MYOCD: variants seen among roughly 807,000 people sequenced by gnomAD.
MYOCD encodes myocardin.
In MYOCD, 32 loss-of-function variants were observed where a neutral mutation model predicts 96.1. The observed-to-expected ratio is 0.33, with a 90% CI of 0.25 to 0.45. The LOEUF (loss-of-function observed/expected upper bound fraction) is 0.45, where lower values mean the gene tolerates loss of function less well. Among genes scored for constraint, MYOCD ranks in the 20% least tolerant of loss-of-function variants. MYOCD has a pLI of 1.00. For synonymous variants in MYOCD, 469 were observed against 469.0 expected, an observed-to-expected ratio of 1.00 and a Z score of 0.00; for missense variants, 1,133 against 1,200.6, an observed-to-expected ratio of 0.94 and a Z score of 0.83.
At chr17:12,690,950 T>C (rs1262617384) in intron 1 of MYOCD, among the ~76,000 whole-genome samples, 2 of 152,222 alleles carry the variant, frequency 1.3e-5, no homozygotes, top group Non-Finnish European at 2.9e-5. Flanking sequence ...AATCCCTTTT[T>C]AAAGCCCCAA....
At chr17:12,733,047 A>G (rs965612544) in intron 5 of MYOCD, among the ~76,000 whole-genome samples, 1 of 152,178 alleles carries the variant, frequency 6.6e-6, no homozygotes, top group Non-Finnish European at 1.5e-5. Context: ...GCGGTGGCTC[A>G]CGCCTATAAT....
At chr17:12,731,764 G>A (rs959769120) in intron 5 of MYOCD, among the ~76,000 whole-genome samples, 1 of 152,160 alleles carries the variant, frequency 6.6e-6, no homozygotes, top group African/African-American at 2.4e-5. Context: ...CCAGAACCCA[G>A]GGCCTTGTGG....
At chr17:12,708,494 C>T (rs904687839) in intron 2 of MYOCD, among the ~76,000 whole-genome samples, 12 of 151,892 alleles carry the variant, frequency 7.9e-5, no homozygotes, top group African/African-American at 2.2e-4. Flanking sequence ...CCCAGGTTCA[C>T]GCCATTCTCC....
At chr17:12,730,427 G>A (rs553223325) in intron 5 of MYOCD, among the ~76,000 whole-genome samples, 8 of 145,840 alleles carry the variant, frequency 5.5e-5, no homozygotes, top group Non-Finnish European at 1.2e-4. Flanking sequence ...CAGCTTGGGC[G>A]ATGAGCGAAA....
chr17:12,704,244 G>A (rs1424517512), intron 1 of MYOCD, among the ~76,000 whole-genome samples: 1 of 152,240 alleles, frequency 6.6e-6, no homozygotes, highest in East Asian at 1.9e-4. Context: ...AGTGTATACA[G>A]AGAAAATGGA....
intron 1 of MYOCD, among the ~76,000 whole-genome samples, chr17:12,675,882 CAT>C (rs1491564051): frequency 6.6e-6 from 1 of 152,058 alleles, no homozygotes; most frequent in Non-Finnish European, 1.5e-5. Flanking sequence ...ATCAATCAAT[CAT>C]ATTTATATAT....
At chr17:12,720,729 T>C (rs987370540) in intron 4 of MYOCD, among the ~76,000 whole-genome samples, 2 of 152,078 alleles carry the variant, frequency 1.3e-5, no homozygotes, top group Non-Finnish European at 1.5e-5. Context: ...GTCTTAAAAA[T>C]AGGTGACACC....
intron 7 of MYOCD, among the ~76,000 whole-genome samples, chr17:12,742,961 CAT>C (rs1380178291): frequency 6.6e-6 from 1 of 152,136 alleles, no homozygotes; most frequent in Non-Finnish European, 1.5e-5. Context: ...AGGTTATAGA[CAT>C]AATTACCTGT....
intron 7 of MYOCD, among the ~76,000 whole-genome samples, chr17:12,743,803 A>G (rs1181860149): frequency 1.3e-5 from 2 of 152,112 alleles, no homozygotes; most frequent in Non-Finnish European, 2.9e-5. Context: ...CCAGCCATGA[A>G]AGAACTTTCT....
At chr17:12,739,360 G>A (rs1317377850) in intron 7 of MYOCD, 32 bp downstream of exon 7, 1 of 1,506,256 alleles carries the variant, frequency 6.6e-7, no homozygotes, top group African/African-American at 1.4e-5. Context: ...AGCCCTGCCT[G>A]AGCGCTCGGC....
chr17:12,695,953 G>A (rs1343475078), intron 1 of MYOCD, among the ~76,000 whole-genome samples: 1 of 148,232 alleles, frequency 6.7e-6, no homozygotes, highest in African/African-American at 2.5e-5. Context: ...TTCTACTTTT[G>A]TAATTGGCTT....
intron 1 of MYOCD, among the ~76,000 whole-genome samples, chr17:12,674,638 C>T (rs1419352353): frequency 1.3e-5 from 2 of 152,100 alleles, no homozygotes; most frequent in Non-Finnish European, 2.9e-5. Context: ...TGCATGCATA[C>T]ACATATATAC....
intron 1 of MYOCD, among the ~76,000 whole-genome samples, chr17:12,685,376 A>C (rs2030054993): frequency 6.6e-6 from 1 of 152,160 alleles, no homozygotes; most frequent in Non-Finnish European, 1.5e-5. Flanking sequence ...AGGCCAAGGC[A>C]GGTGGATCAC....
At chr17:12,698,963 C>T (rs192619320) in intron 1 of MYOCD, among the ~76,000 whole-genome samples, 2,065 of 151,592 alleles carry the variant, frequency 0.014, 47 homozygotes, top group African/African-American at 0.048. Context: ...AGGATGGTCT[C>T]GATCTCCTGA....
At position 12,736,353 on chromosome 17, in the gene MYOCD, A is replaced by T. The variant is rs576618864; in HGVS notation, c.591+17A>T. 6.2e-6 allele frequency: 10 copies of T among 1,609,832 alleles called. No homozygotes were observed. The African/African-American group carries it at 1.2e-4, about 19-fold the overall frequency. ...ACAAACCAGGTAAAAAACAAAACAA[A>T]CAAACGAAAAAAGTAAAACAGCATC... On this transcript the variant is annotated intron_variant, in intron 6 of 13. Coordinates refer to ENST00000425538, the MANE Select transcript of MYOCD (RefSeq NM_001146312.3).
intron 1 of MYOCD, among the ~76,000 whole-genome samples, chr17:12,698,843 C>G (rs1335617273): frequency 1.4e-5 from 2 of 145,876 alleles, no homozygotes; most frequent in African/African-American, 5.0e-5. Flanking sequence ...CCCCGGTTCA[C>G]GCCATTCTCC....
At chr17:12,733,790 C>T (rs967512121) in intron 5 of MYOCD, among the ~76,000 whole-genome samples, 4 of 151,554 alleles carry the variant, frequency 2.6e-5, no homozygotes, top group Admixed American at 1.3e-4. Flanking sequence ...TCACTTAAAC[C>T]TCGGAGGGGG....
At chr17:12,731,327 C>G (rs898255334) in intron 5 of MYOCD, among the ~76,000 whole-genome samples, 3 of 152,182 alleles carry the variant, frequency 2.0e-5, no homozygotes, top group African/African-American at 7.2e-5. Flanking sequence ...CACCCACACT[C>G]CTCCTACTCT....
chr17:12,734,151 C>T (rs1392914135), intron 5 of MYOCD, among the ~76,000 whole-genome samples: 1 of 152,116 alleles, frequency 6.6e-6, no homozygotes, highest in Non-Finnish European at 1.5e-5. Flanking sequence ...CTAATTTGTA[C>T]ACATCTGGGA....
Sources: gnomAD v4.1 joint callset for allele counts (sites outside exome capture counted in the v4.1 genomes callset) on GRCh38, gnomAD v4.1.1 for gene constraint, MANE v1.5 for transcripts, NCBI Gene and HGNC (gene_info 2026-07-23, HGNC 2026-07-21) for gene names.